The following SPECC1 variants were observed in gnomAD, a reference collection of about 807,000 sequenced individuals.
SPECC1 encodes the protein sperm antigen with calponin homology and coiled-coil domains 1.
In SPECC1, 62 loss-of-function variants were observed where a neutral mutation model predicts 104.1. That is an observed-to-expected ratio of 0.60 (90% CI 0.49 to 0.74). The LOEUF (loss-of-function observed/expected upper bound fraction) is 0.74. Among genes scored for constraint, SPECC1 ranks in the 30% least tolerant of loss-of-function variants. The pLI, the probability that SPECC1 is intolerant of heterozygous loss-of-function variation, is 0.00. For missense variants in SPECC1, 1,306 were observed against 1,310.5 expected, an observed-to-expected ratio of 1.00 and a Z score of 0.05; for synonymous variants, 513 against 501.6, an observed-to-expected ratio of 1.02 and a Z score of -0.30.
At chr17:20,108,053 C>T (rs1285222828) in intron 2 of SPECC1, among the ~76,000 whole-genome samples, 2 of 151,984 alleles carry the variant, frequency 1.3e-5, no homozygotes, top group Non-Finnish European at 2.9e-5. Context: ...AAGGCAATGG[C>T]GAGTTACTGT....
At chr17:20,021,702 A>ATATATATATT (rs1402960712) in intron 1 of SPECC1, among the ~76,000 whole-genome samples, 1 of 139,280 alleles carries the variant, frequency 7.2e-6, no homozygotes, top group African/African-American at 2.7e-5. Context: ...ATATATATAT[A>ATATATATATT]TTTTTTTGTA....
At chr17:20,301,704 G>T (rs1025235873) in intron 13 of SPECC1, among the ~76,000 whole-genome samples, 30 of 151,944 alleles carry the variant, frequency 2.0e-4, no homozygotes, top group Admixed American at 1.6e-3. Flanking sequence ...TTGTCATTTT[G>T]TTGTTGTTGT....
intron 1 of SPECC1, among the ~76,000 whole-genome samples, chr17:20,032,936 G>GCACA (rs149393057): frequency 9.1e-4 from 135 of 147,742 alleles, no homozygotes; most frequent in African/African-American, 3.1e-3. Context: ...ACACACGCGC[G>GCACA]CACACACACA....
chr17:20,072,367 T>A (rs1289294572), intron 1 of SPECC1, among the ~76,000 whole-genome samples: 1 of 152,250 alleles, frequency 6.6e-6, no homozygotes, highest in Non-Finnish European at 1.5e-5. Context: ...GTCTGTCATT[T>A]GCAGAGTCCC....
Position 20,245,807 on chromosome 17 carries a change from C to T in SPECC1, c.2352-119C>T, listed in dbSNP as rs550061071. 3.3e-6 allele frequency: 4 copies of T among 1,204,348 alleles called. No individual in the cohort carries two copies. In the African/African-American group the frequency reaches 6.0e-5, roughly 18 times the overall value. The allele number at this position is 1,204,348 out of a possible 1,614,324, so 74.6% of individuals were successfully genotyped here. A position where few individuals can be genotyped will look rare whatever the true frequency, so the allele number is the denominator to read the frequency against. On this transcript the variant is annotated intron_variant, in intron 7 of 14. Coordinates refer to ENST00000395527, the MANE Select transcript of SPECC1 (RefSeq NM_001243439.2). The stretch of plus-strand genomic sequence containing the variant: ...GGTAGAGAAAACAGGATGTTAAATT[C>T]AGAATTTCCCTTCCAGCTTCATTTA...
At chr17:20,288,346 G>T (rs939085578) in intron 12 of SPECC1, among the ~76,000 whole-genome samples, 6 of 151,882 alleles carry the variant, frequency 4.0e-5, no homozygotes, top group Non-Finnish European at 7.4e-5. Context: ...TTTTCTTCTA[G>T]ATCTTTGAGG....
rs766473140 is a variant in SPECC1 at position 20,205,867 on chromosome 17, A to G, written c.1818A>G (p.Leu606=). The change falls in exon 4 of 15, where the codon CTA becomes CTG. Residue 606 remains leucine, a synonymous_variant. Coordinates refer to ENST00000395527, the MANE Select transcript of SPECC1 (RefSeq NM_001243439.2). ...GCAATGAGCTCAGACAAGAATTACT[A>G]AAGGCAAACGGTGAAATTAAACATG... The part of the protein sequence containing the change: ...LSCNELRQEL[L]KANGEIKHVS... 1.2e-6 allele frequency: 2 copies of G among 1,613,886 alleles called. No individual in the cohort carries two copies. Among genetic ancestry groups the G allele is most frequent in the Non-Finnish European group, 1.7e-6 (2 of 1,179,990 alleles).
chr17:20,283,198 A>C (rs2040832645), intron 12 of SPECC1, among the ~76,000 whole-genome samples: 1 of 152,156 alleles, frequency 6.6e-6, no homozygotes, highest in Non-Finnish European at 1.5e-5. Flanking sequence ...AAACAAACAA[A>C]CAAAAAAGAT....
intron 12 of SPECC1, among the ~76,000 whole-genome samples, chr17:20,279,369 CTGGAGTGCAA>C (rs1567602992): frequency 2.2e-5 from 3 of 139,248 alleles, no homozygotes; most frequent in African/African-American, 8.2e-5. Context: ...GTTGCCCAGG[CTGGAGTGCAA>C]TGGTGCGATC....
At chr17:20,012,265 A>G (rs2152425477) in intron 1 of SPECC1, among the ~76,000 whole-genome samples, 1 of 152,208 alleles carries the variant, frequency 6.6e-6, no homozygotes, top group African/African-American at 2.4e-5. Flanking sequence ...ATTAATCTCA[A>G]GTTTATTGAT....
intron 1 of SPECC1, among the ~76,000 whole-genome samples, chr17:20,040,776 A>T (rs945751229): frequency 6.6e-6 from 1 of 152,084 alleles, no homozygotes; most frequent in Non-Finnish European, 1.5e-5. Flanking sequence ...CAGAAGTTTG[A>T]CTATGATGTA....
rs528773303 is a variant in SPECC1, at chr17:20,031,678, C to T, written c.-22+22254C>T. On this transcript the variant is annotated intron_variant, in intron 1 of 14. Coordinates refer to ENST00000395527, the MANE Select transcript of SPECC1 (RefSeq NM_001243439.2). ...AACTCCACGTTACTCCCTCCCTCAG[C>T]CCTTGGCAACCACTGTTTTACTTTC... Among the ~76,000 whole-genome samples the T allele has an allele frequency of 5.9e-5, 9 of 152,324 alleles. No individual in the cohort carries two copies. The South Asian group carries it at 1.9e-3, about 32-fold the overall frequency.
intron 12 of SPECC1, among the ~76,000 whole-genome samples, chr17:20,272,407 A>G (rs1038886411): frequency 3.3e-5 from 5 of 152,008 alleles, no homozygotes; most frequent in African/African-American, 1.2e-4. Flanking sequence ...GATAAAATTT[A>G]CCATCTTAAC....
chr17:20,199,860 G>T (rs1044042751), intron 3 of SPECC1, among the ~76,000 whole-genome samples: 2 of 152,132 alleles, frequency 1.3e-5, no homozygotes, highest in African/African-American at 2.4e-5. Flanking sequence ...CGTGATCTTG[G>T]CTCACTGCAA....
chr17:20,020,579 G>A (rs976950038), intron 1 of SPECC1, among the ~76,000 whole-genome samples: 2 of 152,090 alleles, frequency 1.3e-5, no homozygotes, highest in Non-Finnish European at 2.9e-5. Flanking sequence ...TGATCCGCCC[G>A]CCTCAGCCTC....
At chr17:20,201,198 C>T (rs937274769) in intron 3 of SPECC1, among the ~76,000 whole-genome samples, 6 of 151,818 alleles carry the variant, frequency 4.0e-5, no homozygotes, top group East Asian at 1.9e-4. Context: ...CGGTGGCTCA[C>T]GCCTGTCATC....
intron 3 of SPECC1, among the ~76,000 whole-genome samples, chr17:20,168,133 AC>A (rs2033809261): frequency 6.6e-6 from 1 of 152,210 alleles, no homozygotes; most frequent in Non-Finnish European, 1.5e-5. Context: ...TACTGTTAAT[AC>A]TGTTTCTGAT....
At chr17:20,017,266 T>TC (rs2044177281) in intron 1 of SPECC1, 2 of 152,390 alleles carry the variant, frequency 1.3e-5, no homozygotes, top group African/African-American at 4.8e-5. Flanking sequence ...AACACACACC[T>TC]CGAAGGTCTG....
intron 3 of SPECC1, among the ~76,000 whole-genome samples, chr17:20,187,197 C>T (rs2035338975): frequency 6.6e-6 from 1 of 152,094 alleles, no homozygotes; most frequent in African/African-American, 2.4e-5. Context: ...ATTAGGGATG[C>T]TCAACCCGTA....
Sources: allele counts gnomAD v4.1 joint callset (sites outside exome capture counted in the v4.1 genomes callset), GRCh38; gene constraint gnomAD v4.1.1; transcripts MANE v1.5; gene names NCBI Gene and HGNC (gene_info 2026-07-23, HGNC 2026-07-21).